The following PCDHA2 variants were observed in gnomAD, a reference collection of about 807,000 sequenced individuals.
The protein encoded by PCDHA2 is protocadherin alpha 2.
In PCDHA2, 58 loss-of-function variants were observed where a neutral mutation model predicts 66.0. The observed-to-expected ratio is 0.88, with a 90% CI of 0.71 to 1.09. PCDHA2 has a LOEUF of 1.09. Ranked by LOEUF, PCDHA2 falls within the 50% of genes least tolerant of loss-of-function variation. The pLI, the probability that PCDHA2 is intolerant of heterozygous loss-of-function variation, is 0.00. For synonymous variants in PCDHA2, 634 were observed against 554.0 expected, an observed-to-expected ratio of 1.14 and a Z score of -2.03; for missense variants, 1,267 against 1,242.3, an observed-to-expected ratio of 1.02 and a Z score of -0.30.
chr5:140,841,497 T>G, intron 1 of PCDHA2: 6 of 1,613,288 alleles, frequency 3.7e-6, no homozygotes, highest in Non-Finnish European at 5.1e-6. Context: ...CTGGCGGAGC[T>G]GGTGCCGCGC....
chr5:140,842,721 A>T lies in PCDHA2; in HGVS notation c.2388+45369A>T, dbSNP rs1554139308. 4 of 1,594,916 alleles carry T rather than the reference A, an allele frequency of 2.5e-6. No individual in the cohort carries two copies. In the South Asian group the frequency reaches 4.4e-5, roughly 18 times the overall value. On this transcript the variant is annotated intron_variant, in intron 1 of 3. Coordinates refer to ENST00000526136, the MANE Select transcript of PCDHA2 (RefSeq NM_018905.3). Reference sequence around the variant, plus strand: ...GAGTACACGGTGTTCGTGAAGGAGAACAACCCGCCGGGCTGCCACATCTTC... The same window carrying T: ...GAGTACACGGTGTTCGTGAAGGAGATCAACCCGCCGGGCTGCCACATCTTC...
chr5:140,851,304 C>T (rs2042021311), intron 1 of PCDHA2: 1 of 1,006,386 alleles, frequency 9.9e-7, no homozygotes, highest in East Asian at 6.6e-5. Context: ...AAATATATAG[C>T]AATTGTTACC....
chr5:140,817,360 A>G (rs2150097768), intron 1 of PCDHA2: 1 of 152,194 alleles, frequency 6.6e-6, no homozygotes, highest in East Asian at 1.9e-4. Flanking sequence ...GACCCTCTTA[A>G]CTGGTTTCGG....
chr5:140,919,954 T>G (rs1159524037), intron 1 of PCDHA2, among the ~76,000 whole-genome samples: 2 of 149,936 alleles, frequency 1.3e-5, no homozygotes, highest in East Asian at 4.0e-4. Context: ...AAAAGTTTGT[T>G]TTGTTTTTTA....
chr5:140,992,465 C>G (rs1554252929), intron 3 of PCDHA2, among the ~76,000 whole-genome samples: 2 of 152,162 alleles, frequency 1.3e-5, no homozygotes. Flanking sequence ...GGACAGTACT[C>G]TTTAGATCAC....
intron 1 of PCDHA2, chr5:140,805,000 T>C: frequency 1.3e-6 from 2 of 1,533,732 alleles, no homozygotes; most frequent in Non-Finnish European, 1.7e-6. Context: ...TTTTAAAAAT[T>C]TAGTTCTGTT....
chr5:140,957,473 G>A (rs1307847703), intron 1 of PCDHA2, among the ~76,000 whole-genome samples: 1 of 151,954 alleles, frequency 6.6e-6, no homozygotes, highest in Non-Finnish European at 1.5e-5. Context: ...GTATGTATAG[G>A]AAAAAACATA....
chr5:140,920,429 C>T (rs2079631906), intron 1 of PCDHA2, among the ~76,000 whole-genome samples: 1 of 152,136 alleles, frequency 6.6e-6, no homozygotes. Flanking sequence ...TTCTCCCACA[C>T]ACCTCTTTTA....
Position 140,796,253 on chromosome 5 carries a change from G to T in PCDHA2, c.1289G>T (p.Gly430Val), listed in dbSNP as rs1178356320. ...AYELVVTARDGGSPSLWATTS... is the reference protein window; with the variant it reads ...AYELVVTARDVGSPSLWATTS... ...GAGCTGGTGGTGACCGCACGGGACGGGGGCTCGCCTTCACTGTGGGCCACC... is the reference window on the plus strand; with the variant it reads ...GAGCTGGTGGTGACCGCACGGGACGTGGGCTCGCCTTCACTGTGGGCCACC... The change falls in exon 1 of 4, where the codon GGG (glycine) becomes GTG (valine). Residue 430 changes from glycine (G) to valine (V), a missense_variant. Gly to Val is a moderately radical substitution (Grantham distance 109). Transcript: ENST00000526136. 11 of 1,614,040 alleles carry T rather than the reference G, an allele frequency of 6.8e-6. No homozygotes were observed. Among genetic ancestry groups the T allele is most frequent in the Admixed American group, 1.7e-5 (1 of 60,018 alleles).
rs140143048 is a variant in PCDHA2 at position 140,842,939 on chromosome 5, G to T, written c.2388+45587G>T. 2.5e-6 allele frequency: 4 copies of T among 1,594,572 alleles called. No homozygotes were observed. In the East Asian group the frequency reaches 8.9e-5, roughly 36 times the overall value. ...GCAGTTCCAGGTGAGCGCGCGCGACGCGGGCGTGCCGCCTCTGGGCAGCAA... is the reference window on the plus strand; with the variant it reads ...GCAGTTCCAGGTGAGCGCGCGCGACTCGGGCGTGCCGCCTCTGGGCAGCAA... On this transcript the variant is annotated intron_variant, in intron 1 of 3. Coordinates refer to ENST00000526136, the MANE Select transcript of PCDHA2 (RefSeq NM_018905.3).
At chr5:140,906,092 A>G (rs985090106) in intron 1 of PCDHA2, among the ~76,000 whole-genome samples, 2 of 152,140 alleles carry the variant, frequency 1.3e-5, no homozygotes, top group Non-Finnish European at 2.9e-5. Context: ...GACTGAGAGT[A>G]AGTGTGTCTT....
At chr5:140,864,170 G>A (rs1301709115) in intron 1 of PCDHA2, 1 of 152,166 alleles carries the variant, frequency 6.6e-6, no homozygotes, top group Non-Finnish European at 1.5e-5. Context: ...TTACCGGAAG[G>A]ATCATGATGA....
intron 1 of PCDHA2, among the ~76,000 whole-genome samples, chr5:140,969,689 G>C (rs2096353737): frequency 6.6e-6 from 1 of 152,136 alleles, no homozygotes; most frequent in Admixed American, 6.5e-5. Context: ...AGGAGAAATG[G>C]CCTCTGCTGT....
At chr5:140,894,808 A>G (rs541905033) in intron 1 of PCDHA2, among the ~76,000 whole-genome samples, 2 of 152,096 alleles carry the variant, frequency 1.3e-5, no homozygotes, top group African/African-American at 4.8e-5. Flanking sequence ...AAATAATTTT[A>G]TATCAGATTT....
chr5:140,868,277 C>T (rs1261614987), intron 1 of PCDHA2: 2 of 151,614 alleles, frequency 1.3e-5, no homozygotes, highest in Non-Finnish European at 2.9e-5. Flanking sequence ...TTAAAACTAC[C>T]AAGTTTGAGA....
At chr5:140,975,236 T>A (rs562846037) in intron 1 of PCDHA2, among the ~76,000 whole-genome samples, 84 of 152,334 alleles carry the variant, frequency 5.5e-4, no homozygotes, top group African/African-American at 1.9e-3. Context: ...TCACATGGAA[T>A]CCCTCTTATG....
chr5:140,884,449 C>T, intron 1 of PCDHA2: 1 of 1,613,826 alleles, frequency 6.2e-7, no homozygotes, highest in Non-Finnish European at 8.5e-7. Context: ...CGGCACCGCC[C>T]ACCGAGGGCG....
Position 140,882,245 on chromosome 5 carries a change from G to C in PCDHA2, c.2388+84893G>C, listed in dbSNP as rs376978051. Reference sequence around the variant, plus strand: ...TAAGGCGTTGTATATATTGCAGATAGCTCTGAGGTTTTTGGAGTGTACCAT... The same window carrying C: ...TAAGGCGTTGTATATATTGCAGATACCTCTGAGGTTTTTGGAGTGTACCAT... On this transcript the variant is annotated intron_variant, in intron 1 of 3. Coordinates refer to ENST00000526136, the MANE Select transcript of PCDHA2 (RefSeq NM_018905.3). 82 of 1,592,614 alleles carry C rather than the reference G, an allele frequency of 5.1e-5. No homozygotes were observed. In the African/African-American group the frequency reaches 9.3e-4, roughly 18 times the overall value.
Position 140,797,310 on chromosome 5 carries a change from C to G in PCDHA2, c.2346C>G (p.Ser782=). Residue 782 remains serine, a synonymous_variant, in exon 1 of 4, where the codon TCC becomes TCG. Coordinates refer to ENST00000526136, the MANE Select transcript of PCDHA2 (RefSeq NM_018905.3). ...FSPSLSQGPD[S]AEEKQLSESE... ...CTAGCTTATCTCAAGGTCCAGACTC[C>G]GCAGAAGAGAAACAGCTCTCAGAAT... 6.2e-7 allele frequency: 1 copy of G among 1,614,186 alleles called. No individual in the cohort carries two copies. Among genetic ancestry groups the G allele is most frequent in the East Asian group, 2.2e-5 (1 of 44,876 alleles).
Sources: gnomAD v4.1 joint callset for allele counts (sites outside exome capture counted in the v4.1 genomes callset) on GRCh38, gnomAD v4.1.1 for gene constraint, MANE v1.5 for transcripts, NCBI Gene and HGNC (gene_info 2026-07-23, HGNC 2026-07-21) for gene names.